The following RAB3B variants were observed in gnomAD, a reference collection of about 807,000 sequenced individuals.
RAB3B encodes the protein RAB3B, member RAS oncogene family.
Under a neutral mutation model 20.5 loss-of-function variants are expected in RAB3B, and 11 were observed. The ratio of observed to expected loss-of-function variants is 0.54; its 90% CI spans 0.34 to 0.89. The LOEUF is 0.89. RAB3B is among the 40% of genes least tolerant of loss of function. The probability of loss-of-function intolerance (pLI) is 0.02; values close to 1 mark genes in which losing one functional copy is unlikely to be tolerated. For synonymous variants in RAB3B, 99 were observed against 106.3 expected, an observed-to-expected ratio of 0.93 and a Z score of 0.42; for missense variants, 225 against 280.9, an observed-to-expected ratio of 0.80 and a Z score of 1.42.
intron 4 of RAB3B, among the ~76,000 whole-genome samples, chr1:51,926,402 A>G (rs1684244737): frequency 6.6e-6 from 1 of 152,150 alleles, no homozygotes. Context: ...TCCCCACTCC[A>G]TTGACATCGA....
Position 51,917,690 on chromosome 1 carries a change from G to C in RAB3B, c.*2237C>G, listed in dbSNP as rs1684107514. The C allele has an allele frequency of 6.6e-6, 1 of 152,364 alleles. No individual in the cohort carries two copies. Among genetic ancestry groups the C allele is most frequent in the South Asian group, 2.1e-4 (1 of 4,814 alleles). 9.4% of individuals were successfully genotyped at this position (152,364 alleles called of 1,614,324 possible). ...TCCTGCCTCAGCCTCCCAAGTAGCTGGGACTACAGGCATGCACCATCACAT... is the reference window on the plus strand; with the variant it reads ...TCCTGCCTCAGCCTCCCAAGTAGCTCGGACTACAGGCATGCACCATCACAT... On this transcript the variant is annotated 3_prime_UTR_variant, in exon 5 of 5. Transcript: ENST00000371655.
At chr1:51,941,092 C>T (rs918933572) in intron 2 of RAB3B, among the ~76,000 whole-genome samples, 2 of 151,992 alleles carry the variant, frequency 1.3e-5, no homozygotes, top group Non-Finnish European at 2.9e-5. Context: ...AGGAGCATCA[C>T]ATGAAAGTGT....
At chr1:51,948,597 T>C (rs927047631) in intron 2 of RAB3B, among the ~76,000 whole-genome samples, 1 of 152,208 alleles carries the variant, frequency 6.6e-6, no homozygotes, top group African/African-American at 2.4e-5. Flanking sequence ...GTGGGGGTTC[T>C]GAAGCGGAAG....
intron 2 of RAB3B, among the ~76,000 whole-genome samples, chr1:51,975,880 T>C (rs550484130): frequency 6.9e-4 from 105 of 152,024 alleles, no homozygotes; most frequent in Non-Finnish European, 1.1e-3. Flanking sequence ...TAGTCCCAGC[T>C]ACTCGGGAGG....
chr1:51,932,190 AT>A (rs1483588149), intron 4 of RAB3B, among the ~76,000 whole-genome samples: 1 of 152,184 alleles, frequency 6.6e-6, no homozygotes, highest in Non-Finnish European at 1.5e-5. Flanking sequence ...TCACACTTGT[AT>A]TTTATACAGA....
chr1:51,965,091 C>T (rs1684830398), intron 2 of RAB3B, among the ~76,000 whole-genome samples: 1 of 151,768 alleles, frequency 6.6e-6, no homozygotes, highest in Non-Finnish European at 1.5e-5. Flanking sequence ...TGGTGGCACA[C>T]ACTTGTAATC....
rs192378223 is a variant in RAB3B at position 51,932,575 on chromosome 1, A to T, written c.472+743T>A. 2.8e-4 allele frequency among the ~76,000 whole-genome samples: 42 copies of T among 152,306 alleles called. No homozygotes were observed. The East Asian group carries it at 7.5e-3, about 27-fold the overall frequency. ...CACCGATGAGCTACATACTCAAACC[A>T]CATAGTTTTGTTCCTTCATACTATT... On this transcript the variant is annotated intron_variant, in intron 4 of 4. Coordinates refer to ENST00000371655, the MANE Select transcript of RAB3B (RefSeq NM_002867.4).
At chr1:51,972,495 T>C (rs1188902497) in intron 2 of RAB3B, among the ~76,000 whole-genome samples, 2 of 150,370 alleles carry the variant, frequency 1.3e-5, no homozygotes, top group East Asian at 1.9e-4. Flanking sequence ...TTTTCTTTTT[T>C]TTTTTTTTTT....
Position 51,920,004 on chromosome 1 carries a change from G to C in RAB3B, c.583C>G (p.Pro195Ala), listed in dbSNP as rs755117007. 6.2e-7 allele frequency: 1 copy of C among 1,614,004 alleles called. No individual in the cohort carries two copies. The highest frequency in any genetic ancestry group is 1.3e-5 in the African/African-American group (1 of 74,890). ...TTCTTGGAGGAGCCCAGCATCGACGGGTCTGTGTCCAGCGAATCAGACATC... is the reference window on the plus strand; with the variant it reads ...TTCTTGGAGGAGCCCAGCATCGACGCGTCTGTGTCCAGCGAATCAGACATC... ...DKMSDSLDTD[P>A]SMLGSSKNTR... Residue 195 changes from proline (P) to alanine (A), a missense_variant, in exon 5 of 5, where the codon CCG becomes GCG. Pro to Ala is a conservative substitution (Grantham distance 27). Transcript: ENST00000371655.
rs1160709135 is a variant in RAB3B at position 51,913,260 on chromosome 1, C to T, written c.*6667G>A. ...TGTCTTGATTCCTCCAAAGTAAATC[C>T]TTTGGATCACTATTAAACAAATGAT... On this transcript the variant is annotated 3_prime_UTR_variant, in exon 5 of 5. Coordinates refer to ENST00000371655, the MANE Select transcript of RAB3B (RefSeq NM_002867.4). 6.6e-6 allele frequency: 1 copy of T among 152,058 alleles called. No individual in the cohort carries two copies. The highest frequency in any genetic ancestry group is 2.4e-5 in the African/African-American group (1 of 41,398). 9.4% of individuals were successfully genotyped at this position (152,058 alleles called of 1,614,324 possible).
chr1:51,947,094 G>A (rs1304282800), intron 2 of RAB3B, among the ~76,000 whole-genome samples: 2 of 152,124 alleles, frequency 1.3e-5, no homozygotes, highest in Non-Finnish European at 2.9e-5. Context: ...CAATAAGGAG[G>A]CAGACAGAAT....
In RAB3B at chr1:51,977,035, A is replaced by C. The variant is rs1465254350; in HGVS notation, c.83T>G (p.Ile28Ser). 3.1e-6 allele frequency: 5 copies of C among 1,614,074 alleles called. No homozygotes were observed. Among genetic ancestry groups the C allele is most frequent in the Non-Finnish European group, 4.2e-6 (5 of 1,180,022 alleles). Residue 28 changes from isoleucine to serine, a missense_variant, in exon 2 of 5, where the codon ATT becomes AGT. Ile to Ser is a moderately radical substitution (Grantham distance 142). Transcript: ENST00000371655. ...NFDYMFKLLI[I>S]GNSSVGKTSF... ...GGTCTTGCCAACACTGCTGTTGCCA[A>C]TGATAAGCAGTTTAAACATGTAGTC...
chr1:51,946,789 G>T (rs1271402754), intron 2 of RAB3B, among the ~76,000 whole-genome samples: 1 of 152,108 alleles, frequency 6.6e-6, no homozygotes, highest in Admixed American at 6.6e-5. Flanking sequence ...CATGTTAGTA[G>T]GCACCTTTCT....
intron 4 of RAB3B, among the ~76,000 whole-genome samples, chr1:51,928,756 T>C (rs1223579494): frequency 1.3e-5 from 2 of 152,222 alleles, no homozygotes; most frequent in Non-Finnish European, 1.5e-5. Flanking sequence ...CCCTGTGCCA[T>C]GGCCTTCTTT....
At chr1:51,952,173 T>G (rs750122832) in intron 2 of RAB3B, among the ~76,000 whole-genome samples, 16 of 152,226 alleles carry the variant, frequency 1.1e-4, no homozygotes, top group Non-Finnish European at 1.0e-4. Flanking sequence ...GTGATCCCTA[T>G]CCTCAGAACA....
chr1:51,944,566 T>C (rs2124267291), intron 2 of RAB3B, among the ~76,000 whole-genome samples: 1 of 152,334 alleles, frequency 6.6e-6, no homozygotes, highest in East Asian at 1.9e-4. Flanking sequence ...AATAGCAGTT[T>C]GAAATAAATT....
chr1:51,965,408 G>C (rs1318729976), intron 2 of RAB3B, among the ~76,000 whole-genome samples: 3 of 151,950 alleles, frequency 2.0e-5, no homozygotes, highest in Non-Finnish European at 4.4e-5. Context: ...AAGCACTTTA[G>C]GAGGCTGAGG....
intron 2 of RAB3B, 127 bp downstream of exon 2, chr1:51,976,763 C>A: frequency 1.2e-6 from 1 of 809,348 alleles, no homozygotes; most frequent in Non-Finnish European, 2.0e-6. Flanking sequence ...AGGGGCCACA[C>A]CTGAAACAGC....
intron 2 of RAB3B, among the ~76,000 whole-genome samples, chr1:51,948,799 T>C (rs142512011): frequency 2.6e-5 from 4 of 152,328 alleles, no homozygotes; most frequent in Non-Finnish European, 5.9e-5. Context: ...GTGTAATTAT[T>C]TGATTAAGGT....
Sources: gnomAD v4.1 joint callset for allele counts (sites outside exome capture counted in the v4.1 genomes callset) on GRCh38, gnomAD v4.1.1 for gene constraint, MANE v1.5 for transcripts, NCBI Gene and HGNC (gene_info 2026-07-23, HGNC 2026-07-21) for gene names.